The following METTL25 variants were observed in gnomAD, a reference collection of about 807,000 sequenced individuals.
METTL25 encodes the protein methyltransferase like 25.
Under a neutral mutation model 71.6 loss-of-function variants are expected in METTL25, and 64 were observed. The ratio of observed to expected loss-of-function variants is 0.89; its 90% CI spans 0.73 to 1.10. The LOEUF (loss-of-function observed/expected upper bound fraction) is 1.10, where lower values mean the gene tolerates loss of function less well. Ranked by LOEUF, METTL25 falls within the 50% of genes least tolerant of loss-of-function variation. The pLI is 0.00. For synonymous variants in METTL25, 287 were observed against 250.3 expected (o/e 1.15, Z -1.38); for missense variants, 807 against 707.0 (o/e 1.14, Z -1.60).
In METTL25 at chr12:82,421,738, A is replaced by G. The variant is rs553401101; in HGVS notation, c.1280-9155A>G. Reference sequence around the variant, plus strand: ...TTATCACCACCGATCCCACAGAAATACAAACTACCATCGGAGAATACTATA... The same window carrying G: ...TTATCACCACCGATCCCACAGAAATGCAAACTACCATCGGAGAATACTATA... On this transcript the variant is annotated intron_variant, in intron 5 of 11. Coordinates refer to ENST00000248306, the MANE Select transcript of METTL25 (RefSeq NM_032230.3). Among the ~76,000 whole-genome samples the G allele has an allele frequency of 2.6e-5, 4 of 152,344 alleles. No individual in the cohort carries two copies. The South Asian group carries it at 8.3e-4, about 32-fold the overall frequency.
intron 8 of METTL25, among the ~76,000 whole-genome samples, chr12:82,443,716 G>A (rs1890531061): frequency 6.6e-6 from 1 of 152,146 alleles, no homozygotes; most frequent in Non-Finnish European, 1.5e-5. Flanking sequence ...GCAAAGTATA[G>A]ACAGCATGTG....
intron 4 of METTL25, among the ~76,000 whole-genome samples, chr12:82,400,357 AG>A (rs540770929): frequency 6.7e-6 from 1 of 148,880 alleles, no homozygotes; most frequent in African/African-American, 2.6e-5. Context: ...AAAGAAAAAA[AG>A]AAATGTATAA....
chr12:82,423,522 A>C (rs1470522114), intron 5 of METTL25, among the ~76,000 whole-genome samples: 2 of 152,348 alleles, frequency 1.3e-5, no homozygotes, highest in East Asian at 1.9e-4. Context: ...CAATGGCAAC[A>C]AAAGCCAAAA....
At chr12:82,436,683 C>A (rs997092712) in intron 7 of METTL25, among the ~76,000 whole-genome samples, 2 of 151,166 alleles carry the variant, frequency 1.3e-5, no homozygotes, top group African/African-American at 2.4e-5. Context: ...TGAACTTGTT[C>A]TTTTTTGTTG....
chr12:82,403,231 T>G, intron 5 of METTL25, 101 bp downstream of exon 5: 1 of 1,160,292 alleles, frequency 8.6e-7, no homozygotes, highest in East Asian at 2.5e-5. Context: ...ATTACCATGA[T>G]TTGGATCAGC....
At chr12:82,358,903 G>A in intron 1 of METTL25, 79 bp downstream of exon 1, 1 of 1,519,418 alleles carries the variant, frequency 6.6e-7, no homozygotes, top group Non-Finnish European at 8.9e-7. Flanking sequence ...CCTGGTGGAA[G>A]CCAGCAGAAC....
chr12:82,449,997 C>T (rs1259041065), intron 8 of METTL25, among the ~76,000 whole-genome samples: 1 of 152,112 alleles, frequency 6.6e-6, no homozygotes, highest in Non-Finnish European at 1.5e-5. Flanking sequence ...TTGCGTGATC[C>T]ATTCTCAGTC....
Position 82,438,725 on chromosome 12 carries a change from C to A in METTL25, c.1412C>A (p.Thr471Asn). Residue 471 changes from threonine (T) to asparagine (N), a missense_variant, in exon 8 of 12, where the codon ACT becomes AAT. Transcript: ENST00000248306. ...ERVAAGQGLP[T>N]ESLFYRAVLQ... ...TGTCTACATTTTTTTCAGCTGCCTA[C>A]TGAATCACTCTTCTATCGTGCTGTT... The A allele has an allele frequency of 6.7e-7, 1 of 1,482,962 alleles. No homozygotes were observed. Among genetic ancestry groups the A allele is most frequent in the Non-Finnish European group, 9.0e-7 (1 of 1,110,312 alleles). The allele number at this position is 1,482,962 out of a possible 1,614,324, so 91.9% of individuals were successfully genotyped here. A position where few individuals can be genotyped will look rare whatever the true frequency, so the allele number is the denominator to read the frequency against.
chr12:82,436,203 A>G (rs1394684870), intron 7 of METTL25, among the ~76,000 whole-genome samples: 1 of 151,484 alleles, frequency 6.6e-6, no homozygotes, highest in African/African-American at 2.4e-5. Flanking sequence ...AATGATATAG[A>G]GCAAAAGTTT....
chr12:82,417,492 C>T (rs1221736082), intron 5 of METTL25, among the ~76,000 whole-genome samples: 1 of 152,142 alleles, frequency 6.6e-6, no homozygotes, highest in Non-Finnish European at 1.5e-5. Context: ...TTGTGACACT[C>T]CCTTCACATA....
At chr12:82,393,385 T>C (rs1184986198) in intron 3 of METTL25, among the ~76,000 whole-genome samples, 2 of 152,062 alleles carry the variant, frequency 1.3e-5, no homozygotes, top group Admixed American at 6.6e-5. Flanking sequence ...ATTTTGTAGC[T>C]ATTGTAAATG....
intron 5 of METTL25, among the ~76,000 whole-genome samples, chr12:82,405,045 C>G (rs866653742): frequency 6.6e-6 from 1 of 152,158 alleles, no homozygotes; most frequent in African/African-American, 2.4e-5. Flanking sequence ...TCATCATTGC[C>G]CCCAAGGATG....
intron 7 of METTL25, among the ~76,000 whole-genome samples, chr12:82,436,686 T>C (rs1889940088): frequency 6.6e-6 from 1 of 151,622 alleles, no homozygotes; most frequent in South Asian, 2.1e-4. Context: ...ACTTGTTCTT[T>C]TTTGTTGTAT....
intron 5 of METTL25, among the ~76,000 whole-genome samples, chr12:82,420,898 C>A (rs1354258610): frequency 6.6e-6 from 1 of 151,964 alleles, no homozygotes; most frequent in African/African-American, 2.4e-5. Context: ...TTCTGTCACC[C>A]AGGCTGGAGT....
intron 1 of METTL25, among the ~76,000 whole-genome samples, chr12:82,369,853 G>A (rs972140414): frequency 6.6e-6 from 1 of 152,012 alleles, no homozygotes; most frequent in African/African-American, 2.4e-5. Flanking sequence ...ACAGAGTGCT[G>A]ATTGGTGCGT....
At chr12:82,385,116 A>G (rs138562933) in intron 1 of METTL25, among the ~76,000 whole-genome samples, 154 of 152,268 alleles carry the variant, frequency 1.0e-3, no homozygotes, top group African/African-American at 3.7e-3. Context: ...ATTTTAATTT[A>G]TGTTTAGTTG....
chr12:82,423,295 C>G (rs1352339724), intron 5 of METTL25, among the ~76,000 whole-genome samples: 1 of 152,062 alleles, frequency 6.6e-6, no homozygotes, highest in African/African-American at 2.4e-5. Context: ...ATGGGGAAAG[C>G]AATCCCTGTT....
At chr12:82,422,086 C>T (rs910135727) in intron 5 of METTL25, among the ~76,000 whole-genome samples, 3 of 152,034 alleles carry the variant, frequency 2.0e-5, no homozygotes, top group Non-Finnish European at 4.4e-5. Context: ...CTGGCAGAGA[C>T]ACAACAAAAA....
At chr12:82,427,702 A>G (rs1889143384) in intron 5 of METTL25, among the ~76,000 whole-genome samples, 1 of 151,922 alleles carries the variant, frequency 6.6e-6, no homozygotes, top group Non-Finnish European at 1.5e-5. Flanking sequence ...TGTTAATTAG[A>G]ACAGAGATGT....
Sources: gnomAD v4.1 joint callset for allele counts (sites outside exome capture counted in the v4.1 genomes callset) on GRCh38, gnomAD v4.1.1 for gene constraint, MANE v1.5 for transcripts, NCBI Gene and HGNC (gene_info 2026-07-23, HGNC 2026-07-21) for gene names.